Variants in UBN1 observed in about 807,000 individuals in gnomAD.
UBN1 encodes the protein ubinuclein 1, also known as ubinuclein-1.
In UBN1, 17 loss-of-function variants were observed where a neutral mutation model predicts 108.5. That is an observed-to-expected ratio of 0.16 (90% confidence interval 0.11 to 0.24). The LOEUF is 0.24. Ranked by LOEUF, UBN1 falls within the 10% of genes least tolerant of loss-of-function variation. The pLI, the probability that UBN1 is intolerant of heterozygous loss-of-function variation, is 1.00. For synonymous variants in UBN1, 726 were observed against 564.2 expected, an observed-to-expected ratio of 1.29 and a Z score of -4.07; for missense variants, 1,595 against 1,394.4, an observed-to-expected ratio of 1.14 and a Z score of -2.29.
At position 4,880,271 on chromosome 16, in the gene UBN1, C is replaced by G. The variant is rs540651489; in HGVS notation, c.*139C>G. On this transcript the variant is annotated 3_prime_UTR_variant, in exon 18 of 18. Coordinates refer to ENST00000262376, the MANE Select transcript of UBN1 (RefSeq NM_001079514.3). Reference sequence around the variant, plus strand: ...CGTGAGTTCTCAGCGGAGCGCTTCTCGGCACTTCTGATGTGCCTCCCATGG... The same window carrying G: ...CGTGAGTTCTCAGCGGAGCGCTTCTGGGCACTTCTGATGTGCCTCCCATGG... 1 of 1,003,910 alleles carries G rather than the reference C, an allele frequency of 1.0e-6. No homozygotes were observed. The highest frequency in any genetic ancestry group is 1.4e-5 in the South Asian group (1 of 72,664). The allele number at this position is 1,003,910 out of a possible 1,614,324, so 62.2% of individuals were successfully genotyped here.
Position 4,882,228 on chromosome 16 carries a change from C to G in UBN1, c.*2096C>G, listed in dbSNP as rs1203580672. 6.6e-6 allele frequency: 1 copy of G among 152,642 alleles called. No individual in the cohort carries two copies. The highest frequency in any genetic ancestry group is 1.9e-4 in the East Asian group (1 of 5,196). The allele number at this position is 152,642 out of a possible 1,614,324, so 9.5% of individuals were successfully genotyped here. ...CGCAGCGAAAGTCTCTGAGCACTTA[C>G]CGGGCGTGACCGTTTCTTAGGTGTG... On this transcript the variant is annotated 3_prime_UTR_variant, in exon 18 of 18. Coordinates refer to ENST00000262376, the MANE Select transcript of UBN1 (RefSeq NM_001079514.3).
chr16:4,864,226 ACAGGCGTGAGCC>A (rs2087213687), intron 7 of UBN1, among the ~76,000 whole-genome samples: 1 of 151,906 alleles, frequency 6.6e-6, no homozygotes, highest in Non-Finnish European at 1.5e-5. Flanking sequence ...AGCTGGGATT[ACAGGCGTGAGCC>A]ACTGCGCCTG....
chr16:4,849,622 A>T (rs1422707400), intron 1 of UBN1, among the ~76,000 whole-genome samples: 2 of 150,562 alleles, frequency 1.3e-5, no homozygotes, highest in Non-Finnish European at 2.9e-5. Context: ...ACGGAGTTTC[A>T]CTCTTGTCGC....
In UBN1 at chr16:4,871,417, C is replaced by G. The variant is rs1247051467; in HGVS notation, c.1706+116C>G. 8 of 1,435,152 alleles carry G rather than the reference C, an allele frequency of 5.6e-6. No homozygotes were observed. The East Asian group carries it at 1.4e-4, about 25-fold the overall frequency. 88.9% of individuals were successfully genotyped at this position (1,435,152 alleles called of 1,614,324 possible). On this transcript the variant is annotated intron_variant, in intron 12 of 17. Coordinates refer to ENST00000262376, the MANE Select transcript of UBN1 (RefSeq NM_001079514.3). Reference sequence around the variant, plus strand: ...GGGAGTCACTGTCTAGCTGCCTCAACTCTGATCTCACCTGAGTAACTGGGG... The same window carrying G: ...GGGAGTCACTGTCTAGCTGCCTCAAGTCTGATCTCACCTGAGTAACTGGGG...
At chr16:4,876,735 C>A in intron 15 of UBN1, 136 bp from the exon 16 acceptor site, 1 of 1,406,670 alleles carries the variant, frequency 7.1e-7, no homozygotes, top group South Asian at 1.5e-5. Context: ...GAGGGTGCCT[C>A]CCAGGGCCAT....
chr16:4,865,734 G>A (rs1427153166), intron 7 of UBN1, among the ~76,000 whole-genome samples: 1 of 152,144 alleles, frequency 6.6e-6, no homozygotes, highest in Non-Finnish European at 1.5e-5. Flanking sequence ...GCTGAGGCGG[G>A]CGGATCACTT....
At chr16:4,851,202 T>C (rs2086540035) in intron 1 of UBN1, among the ~76,000 whole-genome samples, 7 of 152,164 alleles carry the variant, frequency 4.6e-5, no homozygotes, top group Admixed American at 3.9e-4. Context: ...TGAAAAAATA[T>C]CTATAAATGA....
At chr16:4,853,348 C>T (rs192286258) in intron 2 of UBN1, among the ~76,000 whole-genome samples, 182 bp downstream of exon 2, 23 of 152,228 alleles carry the variant, frequency 1.5e-4, no homozygotes, top group Admixed American at 1.3e-4. Context: ...AAGGGAGAGG[C>T]CAATTTGAAT....
intron 14 of UBN1, 61 bp downstream of exon 14, chr16:4,873,134 G>A: frequency 6.2e-7 from 1 of 1,606,702 alleles, no homozygotes. Context: ...CTATGCTCTG[G>A]AAACAGTCAA....
At chr16:4,872,966 C>T (rs773171654) in intron 13 of UBN1, 32 bp downstream of exon 13, 6 of 1,614,060 alleles carry the variant, frequency 3.7e-6, no homozygotes, top group Non-Finnish European at 5.1e-6. Flanking sequence ...CATCTCGGGA[C>T]AAGTGTTGTT....
chr16:4,857,048 TTCCTGGC>T (rs1289375532), intron 2 of UBN1, among the ~76,000 whole-genome samples: 133 of 152,220 alleles, frequency 8.7e-4, no homozygotes, highest in African/African-American at 3.0e-3. Flanking sequence ...AAAATTAGGA[TTCCTGGC>T]TCCTGGCTGG....
At chr16:4,861,822 A>C (rs1367390516) in intron 7 of UBN1, among the ~76,000 whole-genome samples, 1 of 152,202 alleles carries the variant, frequency 6.6e-6, no homozygotes, top group East Asian at 1.9e-4. Context: ...GCTCGCCGTA[A>C]TCCCGGCTAC....
In UBN1 at chr16:4,877,279, A is replaced by T. The variant is rs2087927698; in HGVS notation, c.3266-106A>T. 1 of 1,524,814 alleles carries T rather than the reference A, an allele frequency of 6.6e-7. No individual in the cohort carries two copies. The highest frequency in any genetic ancestry group is 2.3e-5 in the East Asian group (1 of 43,798). The allele number at this position is 1,524,814 out of a possible 1,614,324, so 94.5% of individuals were successfully genotyped here. A position where few individuals can be genotyped will look rare whatever the true frequency, so the allele number is the denominator to read the frequency against. ...CTGCCCCTTTGGGTGTGGTGCCCAG[A>T]CTGGCCTGGCAGGTTATCGGGGGCT... On this transcript the variant is annotated intron_variant, in intron 16 of 17. Coordinates refer to ENST00000262376, the MANE Select transcript of UBN1 (RefSeq NM_001079514.3). This position sits in a 1 kb window ranked among gnomAD's most constrained non-coding sequence, Gnocchi z 4.3.
intron 3 of UBN1, 45 bp downstream of exon 3, chr16:4,858,121 A>T (rs2086896413): frequency 1.5e-6 from 2 of 1,304,478 alleles, no homozygotes; most frequent in African/African-American, 1.5e-5. Flanking sequence ...ATTGGGTGGG[A>T]GACGTTTCCA....
chr16:4,847,633 C>T lies in UBN1; in HGVS notation c.-617C>T, dbSNP rs923502467. On this transcript the variant is annotated 5_prime_UTR_variant, in exon 1 of 18. Coordinates refer to ENST00000262376, the MANE Select transcript of UBN1 (RefSeq NM_001079514.3). ...CTTGGACTCCGCGCCCCTCCCCTCT[C>T]GGCGCTTCCGTTACGCCCGTTGGTC... The T allele has an allele frequency of 3.1e-5, 8 of 261,450 alleles. No homozygotes were observed. The highest frequency in any genetic ancestry group is 1.6e-4 in the South Asian group (3 of 18,330). The allele number at this position is 261,450 out of a possible 1,614,324, so 16.2% of individuals were successfully genotyped here. A position where few individuals can be genotyped will look rare whatever the true frequency, so the allele number is the denominator to read the frequency against.
In UBN1 at chr16:4,862,673, C is replaced by T. The variant is rs374075532; in HGVS notation, c.1110+1571C>T. Reference sequence around the variant, plus strand: ...AGAAAAGTCAAAACCAGATTCTTGGCTGTGTCCCCACTCGTGCCATAGGTT... The same window carrying T: ...AGAAAAGTCAAAACCAGATTCTTGGTTGTGTCCCCACTCGTGCCATAGGTT... On this transcript the variant is annotated intron_variant, in intron 7 of 17. Coordinates refer to ENST00000262376, the MANE Select transcript of UBN1 (RefSeq NM_001079514.3). Among the ~76,000 whole-genome samples the T allele has an allele frequency of 7.2e-5, 11 of 152,338 alleles. No homozygotes were observed. The South Asian group carries it at 2.1e-3, about 29-fold the overall frequency.
chr16:4,879,579 A>G (rs2088018583), intron 17 of UBN1, among the ~76,000 whole-genome samples: 1 of 152,238 alleles, frequency 6.6e-6, no homozygotes, highest in South Asian at 2.1e-4. Context: ...AGCTTATAGG[A>G]TGACACGAGA....
intron 7 of UBN1, among the ~76,000 whole-genome samples, chr16:4,864,588 G>A (rs1353910321): frequency 6.6e-6 from 1 of 152,134 alleles, no homozygotes; most frequent in African/African-American, 2.4e-5. Flanking sequence ...GGTGTCTTTT[G>A]TCTTGGTTGT....
intron 9 of UBN1, 45 bp downstream of exon 9, chr16:4,870,386 G>A (rs74003526): frequency 3.9e-5 from 63 of 1,611,676 alleles, no homozygotes; most frequent in South Asian, 2.2e-4. Context: ...GGGTCCTGGC[G>A]GAGGGGTGAC....
Sources: allele counts gnomAD v4.1 joint callset (sites outside exome capture counted in the v4.1 genomes callset), GRCh38; gene constraint gnomAD v4.1.1; non-coding constraint Gnocchi (gnomAD v3.1); transcripts MANE v1.5; gene names NCBI Gene and HGNC (gene_info 2026-07-23, HGNC 2026-07-21).